Variants in LRMDA observed in about 807,000 individuals in gnomAD.
The protein encoded by LRMDA is leucine-rich melanocyte differentiation-associated protein.
A neutral mutation model predicts 29.8 loss-of-function variants in LRMDA; 18 were observed. The ratio of observed to expected loss-of-function variants is 0.60; its 90% confidence interval spans 0.42 to 0.90. LRMDA has a LOEUF of 0.90. Ranked by LOEUF, LRMDA falls within the 40% of genes least tolerant of loss-of-function variation. LRMDA has a pLI of 0.00. For synonymous variants in LRMDA, 125 were observed against 109.4 expected, an observed-to-expected ratio of 1.14 and a Z score of -0.89; for missense variants, 273 against 273.9, an observed-to-expected ratio of 1.00 and a Z score of 0.02.
At chr10:76,410,027 A>G (rs1002965579) in intron 6 of LRMDA, among the ~76,000 whole-genome samples, 1 of 152,168 alleles carries the variant, frequency 6.6e-6, no homozygotes, top group African/African-American at 2.4e-5. Flanking sequence ...CAACCGTATC[A>G]CAACTGACCA....
chr10:75,775,237 T>G (rs1476758564), intron 2 of LRMDA, among the ~76,000 whole-genome samples: 2 of 152,192 alleles, frequency 1.3e-5, no homozygotes, highest in Non-Finnish European at 2.9e-5. Flanking sequence ...GCATTGGAGA[T>G]TTTCCTCTTA....
At chr10:76,487,858 C>A (rs1201997183) in intron 6 of LRMDA, among the ~76,000 whole-genome samples, 1 of 151,832 alleles carries the variant, frequency 6.6e-6, no homozygotes, top group Non-Finnish European at 1.5e-5. Flanking sequence ...CTTTTAATGT[C>A]TATACAATTA....
intron 6 of LRMDA, among the ~76,000 whole-genome samples, chr10:76,446,486 A>T (rs1842355224): frequency 6.6e-6 from 1 of 152,210 alleles, no homozygotes; most frequent in South Asian, 2.1e-4. Flanking sequence ...TTCTACAGAT[A>T]TCTTCTATGT....
At chr10:76,483,217 C>T (rs182512700) in intron 6 of LRMDA, among the ~76,000 whole-genome samples, 2 of 152,032 alleles carry the variant, frequency 1.3e-5, no homozygotes, top group Admixed American at 1.3e-4. Context: ...TAATGTAGCA[C>T]AATTTATCAT....
At chr10:76,153,538 ATCCAGTTC>A (rs1850485247) in intron 5 of LRMDA, among the ~76,000 whole-genome samples, 1 of 152,150 alleles carries the variant, frequency 6.6e-6, no homozygotes, top group African/African-American at 2.4e-5. Context: ...GCATGTGGAT[ATCCAGTTC>A]TCCCAGTATT....
chr10:75,855,078 T>A (rs1844801517), intron 2 of LRMDA, among the ~76,000 whole-genome samples: 1 of 152,240 alleles, frequency 6.6e-6, no homozygotes, highest in Non-Finnish European at 1.5e-5. Flanking sequence ...TTTGGGTATA[T>A]ACCCAGTAAT....
chr10:75,712,063 A>G (rs1176896618), intron 2 of LRMDA, among the ~76,000 whole-genome samples: 4 of 152,220 alleles, frequency 2.6e-5, no homozygotes, highest in East Asian at 1.9e-4. Context: ...GCTTTGTCCC[A>G]TAAACTGCAC....
intron 5 of LRMDA, among the ~76,000 whole-genome samples, chr10:76,147,689 A>G (rs929778155): frequency 6.6e-6 from 1 of 152,042 alleles, no homozygotes; most frequent in Admixed American, 6.5e-5. Context: ...TCAACTCGTC[A>G]AAGTCATTCT....
At chr10:76,075,819 C>T (rs943156750) in intron 5 of LRMDA, among the ~76,000 whole-genome samples, 2 of 152,176 alleles carry the variant, frequency 1.3e-5, no homozygotes, top group African/African-American at 4.8e-5. Flanking sequence ...ATCTGGCCTA[C>T]TGTGGTGGTA....
At chr10:76,276,994 A>G (rs1840143576) in intron 5 of LRMDA, among the ~76,000 whole-genome samples, 1 of 152,112 alleles carries the variant, frequency 6.6e-6, no homozygotes, top group Non-Finnish European at 1.5e-5. Context: ...TGCTTTGGAT[A>G]TGTCCCGCAC....
intron 4 of LRMDA, among the ~76,000 whole-genome samples, chr10:76,057,683 A>T (rs906454519): frequency 6.6e-6 from 1 of 152,176 alleles, no homozygotes; most frequent in African/African-American, 2.4e-5. Flanking sequence ...ATAGGAAGGA[A>T]ATGACAGATT....
chr10:76,251,223 C>CGTGG, intron 5 of LRMDA, among the ~76,000 whole-genome samples: 1 of 119,150 alleles, frequency 8.4e-6, no homozygotes, highest in Non-Finnish European at 1.7e-5. Flanking sequence ...TCTCCCGTCG[C>CGTGG]TTCTTTTTTT....
At chr10:76,250,890 G>T (rs1215412173) in intron 5 of LRMDA, among the ~76,000 whole-genome samples, 3 of 152,192 alleles carry the variant, frequency 2.0e-5, no homozygotes, top group African/African-American at 7.2e-5. Context: ...GAGGGGTATT[G>T]GGGATGGCAA....
At chr10:75,601,565 A>G (rs754643875) in intron 2 of LRMDA, among the ~76,000 whole-genome samples, 9 of 152,196 alleles carry the variant, frequency 5.9e-5, no homozygotes, top group Non-Finnish European at 8.8e-5. Context: ...AAAGGTGCAA[A>G]TAAGGGAATT....
At chr10:75,979,150 T>C (rs1025799329) in intron 2 of LRMDA, among the ~76,000 whole-genome samples, 2 of 152,224 alleles carry the variant, frequency 1.3e-5, no homozygotes, top group African/African-American at 4.8e-5. Flanking sequence ...TGAACATTAG[T>C]CATTGTTCTT....
intron 5 of LRMDA, among the ~76,000 whole-genome samples, chr10:76,257,181 T>G (rs557540133): frequency 6.6e-6 from 1 of 152,296 alleles, no homozygotes; most frequent in South Asian, 2.1e-4. Context: ...TTTTAATTGT[T>G]AATTATTTCA....
chr10:75,954,750 C>CT (rs1016001258), intron 2 of LRMDA, among the ~76,000 whole-genome samples: 2 of 152,178 alleles, frequency 1.3e-5, no homozygotes, highest in African/African-American at 4.8e-5. Context: ...TTGCAGAACG[C>CT]TTGTTGGCGG....
At chr10:75,775,650 G>A (rs976673799) in intron 2 of LRMDA, among the ~76,000 whole-genome samples, 3 of 152,112 alleles carry the variant, frequency 2.0e-5, no homozygotes, top group Non-Finnish European at 4.4e-5. Flanking sequence ...TTGTGCGTGG[G>A]GAAACCTCCC....
At chr10:76,335,623 G>A (rs1471102236) in intron 6 of LRMDA, among the ~76,000 whole-genome samples, 1 of 152,186 alleles carries the variant, frequency 6.6e-6, no homozygotes, top group Admixed American at 6.5e-5. Context: ...ATACATGTAA[G>A]ATATACATTG....
Sources: gnomAD v4.1 joint callset for allele counts (sites outside exome capture counted in the v4.1 genomes callset) on GRCh38, gnomAD v4.1.1 for gene constraint, MANE v1.5 for transcripts, NCBI Gene and HGNC (gene_info 2026-07-23, HGNC 2026-07-21) for gene names.